The following PRKAG2 variants were observed in gnomAD, a reference collection of about 807,000 sequenced individuals.
PRKAG2 encodes the protein protein kinase AMP-activated non-catalytic subunit gamma 2.
Under a neutral mutation model 69.6 loss-of-function variants are expected in PRKAG2, and 26 were observed. The observed-to-expected ratio is 0.37, with a 90% CI of 0.27 to 0.52. PRKAG2 has a LOEUF of 0.52. Among genes scored for constraint, PRKAG2 ranks in the 20% least tolerant of loss-of-function variants. The pLI is 0.90. For missense variants in PRKAG2, 557 were observed against 740.0 expected (o/e 0.75, Z 2.87); for synonymous variants, 293 against 285.0 (o/e 1.03, Z -0.28).
At chr7:151,657,039 A>T (rs1028314370) in intron 4 of PRKAG2, among the ~76,000 whole-genome samples, 8 of 151,718 alleles carry the variant, frequency 5.3e-5, no homozygotes, top group African/African-American at 1.9e-4. Context: ...GGGGAGGCTG[A>T]GACAGGAGGA....
intron 5 of PRKAG2, among the ~76,000 whole-genome samples, chr7:151,608,380 G>A (rs73730217): frequency 0.012 from 1,834 of 152,304 alleles, 26 homozygotes; most frequent in African/African-American, 0.042. Flanking sequence ...CCCTCAGGTC[G>A]GAATTAACTG....
intron 3 of PRKAG2, among the ~76,000 whole-genome samples, chr7:151,718,508 G>A (rs1176222162): frequency 1.3e-5 from 2 of 151,574 alleles, no homozygotes; most frequent in East Asian, 1.9e-4. Flanking sequence ...CCAGTGCCAC[G>A]TGGGCCTCCG....
chr7:151,685,776 A>G (rs867688099), intron 3 of PRKAG2, among the ~76,000 whole-genome samples: 1 of 152,158 alleles, frequency 6.6e-6, no homozygotes, highest in Non-Finnish European at 1.5e-5. Flanking sequence ...CTAAAAAAAA[A>G]AAAAAAAATT....
intron 2 of PRKAG2, among the ~76,000 whole-genome samples, chr7:151,785,488 G>A (rs561788363): frequency 1.3e-5 from 2 of 152,354 alleles, no homozygotes; most frequent in South Asian, 4.1e-4. Flanking sequence ...AGGGCAGGGT[G>A]GGGAGGGCAC....
intron 9 of PRKAG2, among the ~76,000 whole-genome samples, chr7:151,570,688 C>T (rs550225924): frequency 9.2e-5 from 14 of 152,298 alleles, no homozygotes; most frequent in Non-Finnish European, 1.5e-4. Flanking sequence ...ATGCTCAAAA[C>T]CTACTGCATT....
chr7:151,726,517 T>C (rs977699192), intron 3 of PRKAG2, among the ~76,000 whole-genome samples: 12 of 152,170 alleles, frequency 7.9e-5, no homozygotes, highest in African/African-American at 2.9e-4. Flanking sequence ...AGAGTGCCCA[T>C]GAGAGCACTC....
intron 1 of PRKAG2, chr7:151,810,283 A>G (rs765500080): frequency 5.9e-5 from 9 of 152,226 alleles, no homozygotes; most frequent in Non-Finnish European, 1.3e-4. Context: ...GAACGTCTTC[A>G]TCTAAGGTTG....
At chr7:151,696,022 G>A (rs1019825414) in intron 3 of PRKAG2, among the ~76,000 whole-genome samples, 4 of 152,268 alleles carry the variant, frequency 2.6e-5, no homozygotes, top group South Asian at 2.1e-4. Context: ...CCTGATGCCG[G>A]CATAAGGTTT....
intron 15 of PRKAG2, chr7:151,559,717 C>T: frequency 1.0e-6 from 1 of 985,420 alleles, no homozygotes; most frequent in Non-Finnish European, 1.2e-6. Flanking sequence ...CTGTAGCACA[C>T]ACACCGTTTA....
intron 4 of PRKAG2, among the ~76,000 whole-genome samples, chr7:151,663,512 A>G (rs117909747): frequency 0.022 from 3,353 of 152,116 alleles, 69 homozygotes; most frequent in Non-Finnish European, 0.032. Flanking sequence ...ACAGGCGTGC[A>G]CCACCAGCCC....
chr7:151,630,064 TC>T (rs1824015052), intron 5 of PRKAG2, among the ~76,000 whole-genome samples: 1 of 152,182 alleles, frequency 6.6e-6, no homozygotes, highest in Admixed American at 6.5e-5. Flanking sequence ...ACATTCTGCC[TC>T]CTTAAGAATC....
At chr7:151,763,705 TTGGCCTCTTTCA>T (rs1052766992) in intron 3 of PRKAG2, among the ~76,000 whole-genome samples, 5 of 152,240 alleles carry the variant, frequency 3.3e-5, no homozygotes, top group African/African-American at 1.2e-4. Flanking sequence ...ATATGCCTCC[TTGGCCTCTTTCA>T]TGGACCCTGG....
chr7:151,785,645 T>C (rs2076966220), intron 2 of PRKAG2, among the ~76,000 whole-genome samples: 1 of 152,210 alleles, frequency 6.6e-6, no homozygotes, highest in African/African-American at 2.4e-5. Flanking sequence ...TCCCAGACCC[T>C]GTACGTAGCC....
chr7:151,876,132 C>A (rs1021827534), intron 1 of PRKAG2, among the ~76,000 whole-genome samples: 2 of 150,870 alleles, frequency 1.3e-5, no homozygotes, highest in Non-Finnish European at 3.0e-5. Flanking sequence ...GCTCCACCTC[C>A]CCGGAGCGCA....
Position 151,832,595 on chromosome 7 carries a change from T to TGGGG in PRKAG2, c.114+43908_114+43911dup, listed in dbSNP as rs34839120. ...GGTCTGCTGGGCACTGAGGCATCTC[T>TGGGG]GGGGGGGGGGTCCCAGCACAGCCCA... On this transcript the variant is annotated intron_variant, in intron 1 of 15. Coordinates refer to ENST00000287878, the MANE Select transcript of PRKAG2 (RefSeq NM_016203.4). Among the ~76,000 whole-genome samples the TGGGG allele has an allele frequency of 4.8e-3, 678 of 141,486 alleles. 2 individuals are homozygous for TGGGG. Among genetic ancestry groups the TGGGG allele is most frequent in the Non-Finnish European group, 7.8e-3 (499 of 64,350 alleles). The allele number at this position is 141,486 out of a possible 152,430, so 92.8% of individuals were successfully genotyped here.
chr7:151,647,187 G>A (rs754866071), intron 4 of PRKAG2, among the ~76,000 whole-genome samples: 2 of 152,220 alleles, frequency 1.3e-5, no homozygotes, highest in Non-Finnish European at 2.9e-5. Flanking sequence ...AAGAACGTGG[G>A]TCCTAGGTGA....
intron 1 of PRKAG2, among the ~76,000 whole-genome samples, chr7:151,800,833 T>G (rs1465943638): frequency 1.3e-5 from 2 of 152,026 alleles, no homozygotes; most frequent in Non-Finnish European, 2.9e-5. Flanking sequence ...ATGTCAGCTA[T>G]GGACTTCGGT....
chr7:151,809,023 G>A (rs1448929998), intron 1 of PRKAG2, among the ~76,000 whole-genome samples: 1 of 152,202 alleles, frequency 6.6e-6, no homozygotes, highest in Non-Finnish European at 1.5e-5. Context: ...CCTGGAGTTC[G>A]TGTTGGAAGA....
rs565869546 is a variant in PRKAG2, at chr7:151,727,960, G to C, written c.467-52323C>G. On this transcript the variant is annotated intron_variant, in intron 3 of 15. Coordinates refer to ENST00000287878, the MANE Select transcript of PRKAG2 (RefSeq NM_016203.4). ...TCCTGCAGTCATGCTCTTAGCCTCA[G>C]GGCCCTGGGGCGGACGCCCGGACAC... 2.1e-3 allele frequency among the ~76,000 whole-genome samples: 324 copies of C among 152,276 alleles called. 1 individual carries two copies. The highest frequency in any genetic ancestry group is 7.5e-3 in the African/African-American group (313 of 41,588).
Sources: gnomAD v4.1 joint callset for allele counts (sites outside exome capture counted in the v4.1 genomes callset) on GRCh38, gnomAD v4.1.1 for gene constraint, MANE v1.5 for transcripts, NCBI Gene and HGNC (gene_info 2026-07-23, HGNC 2026-07-21) for gene names.